Variants in TPRG1 observed in about 807,000 individuals in gnomAD.
TPRG1 encodes the protein tumor protein p63 regulated 1, also known as tumor protein p63-regulated gene 1 protein.
Under a neutral mutation model 29.3 loss-of-function variants are expected in TPRG1, and 29 were observed. That is an observed-to-expected ratio of 0.99 (90% CI 0.74 to 1.35). The LOEUF is 1.35. Among genes scored for constraint, TPRG1 ranks in the 40% most tolerant of loss-of-function variants. The probability of loss-of-function intolerance (pLI) is 0.00; values close to 1 mark genes in which losing one functional copy is unlikely to be tolerated. For synonymous variants in TPRG1, 130 were observed against 116.8 expected (o/e 1.11, Z -0.73); for missense variants, 327 against 335.0 (o/e 0.98, Z 0.19).
At chr3:189,240,201 G>A (rs984609699) in intron 4 of TPRG1, 1 of 151,936 alleles carries the variant, frequency 6.6e-6, no homozygotes, top group Non-Finnish European at 1.5e-5. Flanking sequence ...AATTTATTAA[G>A]TTCATTAGCT....
chr3:189,183,119 C>T (rs781246101), intron 1 of TPRG1, among the ~76,000 whole-genome samples: 17 of 152,102 alleles, frequency 1.1e-4, no homozygotes, highest in African/African-American at 3.4e-4. Context: ...TTTCCCTAAG[C>T]GTCAGCCAGT....
intron 3 of TPRG1, among the ~76,000 whole-genome samples, chr3:189,220,291 T>TAG (rs397809913): frequency 4.6e-5 from 7 of 151,710 alleles, no homozygotes; most frequent in Non-Finnish European, 1.0e-4. Context: ...TATATATATA[T>TAG]AGTATATAAT....
chr3:189,179,117 A>G (rs1311911105), intron 1 of TPRG1, among the ~76,000 whole-genome samples: 1 of 152,178 alleles, frequency 6.6e-6, no homozygotes, highest in African/African-American at 2.4e-5. Flanking sequence ...GTGTCAACTT[A>G]CCAACATCTA....
intron 1 of TPRG1, among the ~76,000 whole-genome samples, chr3:189,173,919 A>G (rs184655675): frequency 5.6e-4 from 85 of 152,274 alleles, no homozygotes; most frequent in African/African-American, 1.9e-3. Flanking sequence ...CTGTCAGAGA[A>G]GCCTCTCTCT....
chr3:189,239,263 A>G (rs1740105972), intron 4 of TPRG1, among the ~76,000 whole-genome samples: 1 of 152,130 alleles, frequency 6.6e-6, no homozygotes, highest in African/African-American at 2.4e-5. Flanking sequence ...ATGAGGAAGA[A>G]GGAAAAGTGG....
upstream of TPRG1, among the ~76,000 whole-genome samples, chr3:189,099,488 TC>T (rs1277639930): frequency 3.3e-5 from 5 of 152,058 alleles, no homozygotes; most frequent in Admixed American, 2.0e-4. Flanking sequence ...CCTTCAGCCT[TC>T]CAGGAAGCCG....
At chr3:189,034,790 A>T (rs2152131422) in intron 4 of TPRG1, among the ~76,000 whole-genome samples, 1 of 152,328 alleles carries the variant, frequency 6.6e-6, no homozygotes, top group South Asian at 2.1e-4. Context: ...ATCAGAGATG[A>T]CACCAACAAA....
At chr3:189,065,678 T>C (rs957442155) in intron 4 of TPRG1, among the ~76,000 whole-genome samples, 1 of 152,114 alleles carries the variant, frequency 6.6e-6, no homozygotes, top group Non-Finnish European at 1.5e-5. Context: ...GATATGAACA[T>C]CTACAAAAAA....
chr3:189,235,408 G>C (rs2108925881), intron 3 of TPRG1, among the ~76,000 whole-genome samples: 2 of 152,048 alleles, frequency 1.3e-5, no homozygotes, highest in East Asian at 3.9e-4. Flanking sequence ...AAGATGGAGA[G>C]AGGTGGGTGG....
intron 4 of TPRG1, among the ~76,000 whole-genome samples, chr3:189,026,691 G>A (rs946655107): frequency 3.9e-5 from 6 of 152,190 alleles, no homozygotes; most frequent in African/African-American, 7.2e-5. Context: ...AAGTTGTAGA[G>A]TCTTGGAAAA....
intron 1 of TPRG1, among the ~76,000 whole-genome samples, chr3:189,206,104 CTTTCTTTCTTCTCTTT>C (rs1734324921): frequency 7.1e-6 from 1 of 140,942 alleles, no homozygotes; most frequent in Non-Finnish European, 1.5e-5. Context: ...TTCTTTCCTT[CTTTCTTTCTTCTCTTT>C]TTTCCTTCTT....
At chr3:189,215,161 T>TA in intron 2 of TPRG1, 131 bp from the exon 3 acceptor site, 1 of 633,008 alleles carries the variant, frequency 1.6e-6, no homozygotes, top group South Asian at 2.7e-5. Flanking sequence ...CAGTTAGGCA[T>TA]ACAGGCAACT....
At chr3:189,045,575 G>A (rs1484580260) in intron 4 of TPRG1, among the ~76,000 whole-genome samples, 2 of 152,200 alleles carry the variant, frequency 1.3e-5, no homozygotes, top group African/African-American at 2.4e-5. Context: ...GTGGGAAAAT[G>A]TCTGTACAGT....
chr3:189,219,566 A>G, intron 3 of TPRG1: 1 of 1,258,084 alleles, frequency 7.9e-7, no homozygotes, highest in African/African-American at 1.6e-5. Context: ...GTTTGCTTTT[A>G]GAACGGATCC....
At chr3:189,314,059 A>C (rs1371817274) in intron 5 of TPRG1, among the ~76,000 whole-genome samples, 1 of 152,200 alleles carries the variant, frequency 6.6e-6, no homozygotes, top group African/African-American at 2.4e-5. Flanking sequence ...AAAGCAAGTA[A>C]CTGACAGGAT....
intron 3 of TPRG1, among the ~76,000 whole-genome samples, chr3:189,014,978 A>G (rs1056461857): frequency 1.3e-5 from 2 of 152,238 alleles, no homozygotes; most frequent in African/African-American, 4.8e-5. Context: ...GGAACTGGTT[A>G]GCAAGTAGAG....
At chr3:189,209,417 A>G (rs1054142100) in intron 2 of TPRG1, among the ~76,000 whole-genome samples, 4 of 152,224 alleles carry the variant, frequency 2.6e-5, no homozygotes, top group Non-Finnish European at 5.9e-5. Context: ...TAGAAAATGT[A>G]GTTTCAGCTC....
chr3:189,306,421 C>T (rs75599521), intron 4 of TPRG1, among the ~76,000 whole-genome samples: 2,436 of 152,208 alleles, frequency 0.016, 31 homozygotes, highest in Middle Eastern at 0.065. Context: ...TCCTTGGACC[C>T]GGATACAGGT....
intron 4 of TPRG1, among the ~76,000 whole-genome samples, chr3:189,078,812 T>C (rs146714340): frequency 2.0e-5 from 3 of 152,322 alleles, no homozygotes; most frequent in East Asian, 3.9e-4. Flanking sequence ...ATGTCTTTAT[T>C]TAACTTTGTA....
Sources: allele counts gnomAD v4.1 joint callset (sites outside exome capture counted in the v4.1 genomes callset), GRCh38; gene constraint gnomAD v4.1.1; transcripts MANE v1.5; gene names NCBI Gene and HGNC (gene_info 2026-07-23, HGNC 2026-07-21).